MGAT4C: variants seen among roughly 807,000 people sequenced by gnomAD.
MGAT4C encodes alpha-1,3-mannosyl-glycoprotein 4-beta-N-acetylglucosaminyltransferase C.
In MGAT4C, 19 loss-of-function variants were observed where a neutral mutation model predicts 40.1. The ratio of observed to expected loss-of-function variants is 0.47; its 90% confidence interval spans 0.33 to 0.70. MGAT4C has a LOEUF of 0.70. Ranked by LOEUF, MGAT4C falls within the 30% of genes least tolerant of loss-of-function variation. The pLI is 0.02. For synonymous variants in MGAT4C, 181 were observed against 187.1 expected (o/e 0.97, Z 0.27); for missense variants, 491 against 563.2 (o/e 0.87, Z 1.30).
At chr12:86,437,688 C>T (rs1957160760) in intron 2 of MGAT4C, among the ~76,000 whole-genome samples, 1 of 151,902 alleles carries the variant, frequency 6.6e-6, no homozygotes, top group South Asian at 2.1e-4. Context: ...AAAGTGCTCA[C>T]TTTGTGTCTC....
At chr12:86,017,845 A>G (rs564404420) in intron 2 of MGAT4C, among the ~76,000 whole-genome samples, 1 of 152,248 alleles carries the variant, frequency 6.6e-6, no homozygotes, top group African/African-American at 2.4e-5. Flanking sequence ...TTTACCTCTA[A>G]TCATTGCTCA....
chr12:86,767,838 A>C (rs1052119873), intron 1 of MGAT4C, among the ~76,000 whole-genome samples: 1 of 152,244 alleles, frequency 6.6e-6, no homozygotes, highest in Non-Finnish European at 1.5e-5. Flanking sequence ...AAAAACTCTC[A>C]GTAAATTAAG....
rs1307083432 is a variant in MGAT4C at position 85,964,045 on chromosome 12, A to G, written c.*15244T>C. 3 of 152,160 alleles carry G rather than the reference A, an allele frequency of 2.0e-5. No individual in the cohort carries two copies. Among genetic ancestry groups the G allele is most frequent in the East Asian group, 3.9e-4 (2 of 5,162 alleles). The allele number at this position is 152,160 out of a possible 1,614,324, so 9.4% of individuals were successfully genotyped here. On this transcript the variant is annotated 3_prime_UTR_variant, in exon 5 of 5. Transcript: ENST00000611864. ...TGATAATTTAGATAAACAAGCAGAA[A>G]ACAAAACTATAGAAAAAAGTCAAAG...
At chr12:86,630,183 C>A (rs1315464410) in intron 2 of MGAT4C, among the ~76,000 whole-genome samples, 1 of 152,110 alleles carries the variant, frequency 6.6e-6, no homozygotes, top group Non-Finnish European at 1.5e-5. Context: ...GACACATACA[C>A]CCTCCCAAGA....
rs771588801 is a variant in MGAT4C, at chr12:85,980,452, C to T, written c.296-22G>A. The T allele has an allele frequency of 3.9e-6, 6 of 1,544,248 alleles. No individual in the cohort carries two copies. In the Admixed American group the frequency reaches 8.2e-5, roughly 21 times the overall value. ...TACCCTGCAAAAAAGAATTCAGAAG[C>T]AATACAAATGTGAACTAGAAATATG... On this transcript the variant is annotated intron_variant, in intron 4 of 4. Transcript: ENST00000611864.
intron 3 of MGAT4C, among the ~76,000 whole-genome samples, chr12:86,339,789 C>A (rs903238537): frequency 6.6e-6 from 1 of 152,034 alleles, no homozygotes; most frequent in African/African-American, 2.4e-5. Context: ...CCAAGACACT[C>A]TTGCCACAAT....
chr12:86,540,080 T>A (rs986612237), intron 2 of MGAT4C, among the ~76,000 whole-genome samples: 2 of 152,158 alleles, frequency 1.3e-5, no homozygotes, highest in African/African-American at 4.8e-5. Flanking sequence ...GGTGTTTTAG[T>A]CATGAAGTCC....
At chr12:86,286,756 A>G (rs1953362040) in intron 4 of MGAT4C, among the ~76,000 whole-genome samples, 1 of 146,852 alleles carries the variant, frequency 6.8e-6, no homozygotes, top group South Asian at 2.2e-4. Context: ...ACCCCCTTGT[A>G]GGCCCTGGTG....
At chr12:86,729,125 A>G (rs1018178552) in intron 1 of MGAT4C, among the ~76,000 whole-genome samples, 12 of 152,240 alleles carry the variant, frequency 7.9e-5, no homozygotes, top group African/African-American at 2.4e-4. Flanking sequence ...GCAAATTTCA[A>G]TGATAGATGC....
intron 1 of MGAT4C, among the ~76,000 whole-genome samples, chr12:86,212,974 G>A (rs1434711765): frequency 7.2e-6 from 1 of 139,274 alleles, no homozygotes; most frequent in East Asian, 2.2e-4. Flanking sequence ...GGCAGCCAAA[G>A]TTACTTCCAT....
chr12:85,993,226 C>G (rs1261885040), intron 2 of MGAT4C, among the ~76,000 whole-genome samples: 4 of 152,142 alleles, frequency 2.6e-5, no homozygotes, highest in African/African-American at 9.7e-5. Context: ...AAATCCTGAC[C>G]ACCACTGAAA....
At chr12:86,746,677 C>T (rs950520425) in intron 1 of MGAT4C, among the ~76,000 whole-genome samples, 1 of 151,576 alleles carries the variant, frequency 6.6e-6, no homozygotes, top group Non-Finnish European at 1.5e-5. Flanking sequence ...TTTTCTCTTA[C>T]CTCTGATCCT....
chr12:86,433,727 A>G (rs140977179), intron 3 of MGAT4C, among the ~76,000 whole-genome samples: 12 of 152,106 alleles, frequency 7.9e-5, no homozygotes, highest in Non-Finnish European at 1.5e-4. Context: ...CGGCATTGCT[A>G]AAGTTTTTTA....
chr12:86,178,143 A>G (rs577673475), intron 1 of MGAT4C, among the ~76,000 whole-genome samples: 49 of 152,214 alleles, frequency 3.2e-4, no homozygotes, highest in Middle Eastern at 6.8e-3. Context: ...TCACCGTGTT[A>G]GCCAGGATGG....
At chr12:86,273,911 C>A (rs1953007925) in intron 4 of MGAT4C, among the ~76,000 whole-genome samples, 1 of 152,202 alleles carries the variant, frequency 6.6e-6, no homozygotes, top group African/African-American at 2.4e-5. Context: ...TTAGACCGTT[C>A]TGGCATTGCT....
intron 1 of MGAT4C, among the ~76,000 whole-genome samples, chr12:86,768,100 T>G (rs1371922887): frequency 6.6e-6 from 1 of 152,132 alleles, no homozygotes; most frequent in Non-Finnish European, 1.5e-5. Flanking sequence ...GATGACATGA[T>G]TGTATATCTA....
At chr12:86,482,859 T>C (rs1413422732) in intron 2 of MGAT4C, among the ~76,000 whole-genome samples, 1 of 152,214 alleles carries the variant, frequency 6.6e-6, no homozygotes, top group East Asian at 1.9e-4. Context: ...AATTTTGTAA[T>C]TTGTTTTATT....
intron 2 of MGAT4C, among the ~76,000 whole-genome samples, chr12:86,047,985 T>C (rs1892556079): frequency 6.6e-6 from 1 of 151,892 alleles, no homozygotes; most frequent in Admixed American, 6.6e-5. Flanking sequence ...TGAATGAAAT[T>C]GATCATGAAC....
At position 86,045,964 on chromosome 12, in the gene MGAT4C, C is replaced by A. The variant is rs142019152; in HGVS notation, c.-7+3710G>T. Among the ~76,000 whole-genome samples, 409 of 151,854 alleles carry A rather than the reference C, an allele frequency of 2.7e-3. 3 individuals are homozygous for A. Among genetic ancestry groups the A allele is most frequent in the Middle Eastern group, 0.01 (3 of 292 alleles). ...CCTGTCTCTCAAGGTCTGGTTATAC[C>A]CAAGGTTATGGTTTTACCTGAACAC... On this transcript the variant is annotated intron_variant, in intron 2 of 4. Coordinates refer to ENST00000611864, the MANE Select transcript of MGAT4C (RefSeq NM_001351288.2).
Sources: gnomAD v4.1 joint callset for allele counts (sites outside exome capture counted in the v4.1 genomes callset) on GRCh38, gnomAD v4.1.1 for gene constraint, MANE v1.5 for transcripts, NCBI Gene and HGNC (gene_info 2026-07-23, HGNC 2026-07-21) for gene names.